RABGAP1L: variants seen among roughly 807,000 people sequenced by gnomAD.
RABGAP1L encodes RAB GTPase activating protein 1 like, also known as rab GTPase-activating protein 1-like.
A neutral mutation model predicts 137.7 loss-of-function variants in RABGAP1L; 63 were observed. That is an observed-to-expected ratio of 0.46 (90% CI 0.37 to 0.56). The LOEUF is 0.56. Among genes scored for constraint, RABGAP1L ranks in the 20% least tolerant of loss-of-function variants. The pLI is 0.00. For synonymous variants in RABGAP1L, 431 were observed against 433.7 expected (o/e 0.99, Z 0.08); for missense variants, 1,095 against 1,244.0 (o/e 0.88, Z 1.80).
At chr1:174,436,508 T>C (rs1163636065) in intron 13 of RABGAP1L, among the ~76,000 whole-genome samples, 1 of 152,206 alleles carries the variant, frequency 6.6e-6, no homozygotes, top group Non-Finnish European at 1.5e-5. Flanking sequence ...GGTTGTTTGT[T>C]TTTTTCTTGT....
chr1:174,426,589 G>T (rs938374416), intron 13 of RABGAP1L, among the ~76,000 whole-genome samples: 7 of 151,946 alleles, frequency 4.6e-5, no homozygotes, highest in Non-Finnish European at 8.8e-5. Flanking sequence ...AAGAAGAAAA[G>T]AACTAGAAGT....
chr1:174,649,633 G>A (rs895139215), intron 14 of RABGAP1L, among the ~76,000 whole-genome samples: 5 of 151,908 alleles, frequency 3.3e-5, no homozygotes, highest in Admixed American at 2.6e-4. Flanking sequence ...TTGGCTCTCT[G>A]TTTGTCTGTT....
At chr1:174,602,519 A>G (rs1036509579) in intron 13 of RABGAP1L, among the ~76,000 whole-genome samples, 7 of 152,190 alleles carry the variant, frequency 4.6e-5, no homozygotes, top group African/African-American at 1.7e-4. Context: ...GGGAGATGCA[A>G]TTCAAGTTGA....
intron 11 of RABGAP1L, among the ~76,000 whole-genome samples, chr1:174,313,819 G>T (rs192834670): frequency 6.6e-5 from 10 of 152,150 alleles, no homozygotes; most frequent in African/African-American, 2.4e-4. Flanking sequence ...CACATTGATA[G>T]ATTTGAACCA....
intron 13 of RABGAP1L, among the ~76,000 whole-genome samples, chr1:174,609,069 T>G (rs1466507538): frequency 3.3e-5 from 5 of 152,168 alleles, no homozygotes; most frequent in Non-Finnish European, 1.5e-5. Context: ...CCTAATTACC[T>G]TAACACTTAT....
chr1:174,334,152 C>T (rs1681273287), intron 11 of RABGAP1L, among the ~76,000 whole-genome samples: 1 of 152,202 alleles, frequency 6.6e-6, no homozygotes, highest in Admixed American at 6.5e-5. Flanking sequence ...TCTTTCTTTT[C>T]TGTTGTATGA....
At chr1:174,231,007 A>T in intron 3 of RABGAP1L, 138 bp from the exon 4 acceptor site, 1 of 605,732 alleles carries the variant, frequency 1.7e-6, no homozygotes, top group Non-Finnish European at 2.8e-6. Context: ...CTAAAATTTT[A>T]AAATATAAAA....
intron 19 of RABGAP1L, chr1:174,945,534 A>C (rs1175662533): frequency 3.3e-5 from 5 of 152,124 alleles, no homozygotes; most frequent in Non-Finnish European, 1.5e-5. Flanking sequence ...TGAGAGAAGA[A>C]TTTTTATTGC....
At chr1:174,418,416 G>A (rs1650860146) in intron 13 of RABGAP1L, among the ~76,000 whole-genome samples, 1 of 152,166 alleles carries the variant, frequency 6.6e-6, no homozygotes, top group Admixed American at 6.5e-5. Flanking sequence ...TTAAGTCACT[G>A]GATAATTATT....
At chr1:174,835,722 C>G (rs1199598734) in intron 19 of RABGAP1L, among the ~76,000 whole-genome samples, 3 of 152,136 alleles carry the variant, frequency 2.0e-5, no homozygotes, top group Non-Finnish European at 2.9e-5. Context: ...GATGAGCAAA[C>G]TAAAATCAGT....
intron 11 of RABGAP1L, among the ~76,000 whole-genome samples, chr1:174,309,907 A>G (rs1018982209): frequency 6.6e-6 from 1 of 152,072 alleles, no homozygotes; most frequent in African/African-American, 2.4e-5. Context: ...TTCTCTTGAA[A>G]TTTTTGGAAA....
intron 13 of RABGAP1L, among the ~76,000 whole-genome samples, chr1:174,483,039 A>G (rs1157499682): frequency 2.0e-5 from 3 of 152,134 alleles, no homozygotes; most frequent in Admixed American, 1.3e-4. Context: ...GGATTACATG[A>G]GATATTTTGA....
At chr1:174,674,978 C>T (rs1162552587) in intron 14 of RABGAP1L, among the ~76,000 whole-genome samples, 1 of 140,082 alleles carries the variant, frequency 7.1e-6, no homozygotes, top group East Asian at 2.1e-4. Flanking sequence ...ATTGTAGATT[C>T]TGGATATTAG....
chr1:174,547,762 A>C, intron 13 of RABGAP1L: 1 of 1,250,906 alleles, frequency 8.0e-7, no homozygotes, highest in Non-Finnish European at 1.1e-6. Flanking sequence ...TTTGTATTTA[A>C]ATTGACGTTA....
At chr1:174,819,533 A>C (rs1035583264) in intron 19 of RABGAP1L, among the ~76,000 whole-genome samples, 1 of 152,208 alleles carries the variant, frequency 6.6e-6, no homozygotes, top group Non-Finnish European at 1.5e-5. Context: ...TTCAGAAGAG[A>C]TATAATAAAG....
intron 18 of RABGAP1L, among the ~76,000 whole-genome samples, chr1:174,776,061 A>G (rs115672990): frequency 0.02 from 3,106 of 152,130 alleles, 119 homozygotes; most frequent in African/African-American, 0.072. Context: ...ATTGTCCTCC[A>G]TGGCCATATC....
At chr1:174,660,402 G>A (rs1167642426) in intron 14 of RABGAP1L, among the ~76,000 whole-genome samples, 2 of 152,124 alleles carry the variant, frequency 1.3e-5, no homozygotes, top group Non-Finnish European at 2.9e-5. Flanking sequence ...GGTTGCACAC[G>A]ATTCCCTTGC....
chr1:174,361,460 T>C (rs1684140203), intron 11 of RABGAP1L, among the ~76,000 whole-genome samples: 1 of 152,124 alleles, frequency 6.6e-6, no homozygotes, highest in Non-Finnish European at 1.5e-5. Context: ...AGTTTTTTCA[T>C]TGGCATTTTA....
At chr1:174,770,654 G>A (rs2148727743) in intron 18 of RABGAP1L, among the ~76,000 whole-genome samples, 1 of 152,250 alleles carries the variant, frequency 6.6e-6, no homozygotes, top group East Asian at 1.9e-4. Context: ...AGCAAAATAA[G>A]TACTCATTTA....
Sources: allele counts gnomAD v4.1 joint callset (sites outside exome capture counted in the v4.1 genomes callset), GRCh38; gene constraint gnomAD v4.1.1; transcripts MANE v1.5; gene names NCBI Gene and HGNC (gene_info 2026-07-23, HGNC 2026-07-21).